Variants in SRGAP1 observed in about 807,000 individuals in gnomAD.
SRGAP1 encodes the protein SLIT-ROBO Rho GTPase-activating protein 1.
SRGAP1 carries 43 observed loss-of-function variants against 121.9 expected under a neutral mutation model. The ratio of observed to expected loss-of-function variants is 0.35; its 90% CI spans 0.28 to 0.46. The LOEUF is 0.46. Among genes scored for constraint, SRGAP1 ranks in the 20% least tolerant of loss-of-function variants. SRGAP1 has a pLI of 1.00. For missense variants in SRGAP1, 1,102 were observed against 1,350.9 expected (o/e 0.82, Z 2.89); for synonymous variants, 447 against 485.4 (o/e 0.92, Z 1.04).
chr12:63,937,356 CTA>C (rs2136345941), intron 1 of SRGAP1, among the ~76,000 whole-genome samples: 1 of 152,210 alleles, frequency 6.6e-6, no homozygotes, highest in African/African-American at 2.4e-5. Context: ...AGTTGTATAT[CTA>C]TATGTGTACC....
intron 1 of SRGAP1, among the ~76,000 whole-genome samples, chr12:63,860,591 C>T (rs1319609304): frequency 2.0e-5 from 3 of 152,168 alleles, no homozygotes; most frequent in Non-Finnish European, 2.9e-5. Context: ...TTGTTTACAG[C>T]ATCCTTTTAT....
At chr12:64,116,535 A>G (rs1021724577) in intron 18 of SRGAP1, among the ~76,000 whole-genome samples, 5 of 151,946 alleles carry the variant, frequency 3.3e-5, no homozygotes, top group African/African-American at 1.2e-4. Context: ...AGTTTTTTCT[A>G]CTCAGTATTA....
intron 1 of SRGAP1, among the ~76,000 whole-genome samples, chr12:63,859,084 CTT>C (rs1170043596): frequency 6.6e-6 from 1 of 152,096 alleles, no homozygotes; most frequent in Non-Finnish European, 1.5e-5. Flanking sequence ...ATAGTATTCT[CTT>C]ATTTTAAAAA....
chr12:63,897,211 T>C (rs1397969526), intron 1 of SRGAP1, among the ~76,000 whole-genome samples: 1 of 152,256 alleles, frequency 6.6e-6, no homozygotes, highest in Non-Finnish European at 1.5e-5. Flanking sequence ...AAAGATCTTA[T>C]CATCTGACAC....
intron 1 of SRGAP1, among the ~76,000 whole-genome samples, chr12:63,936,320 A>G (rs991316627): frequency 6.6e-6 from 1 of 152,188 alleles, no homozygotes; most frequent in African/African-American, 2.4e-5. Context: ...ATCAGAGACA[A>G]GTTGCCTCCC....
intron 6 of SRGAP1, among the ~76,000 whole-genome samples, chr12:64,059,124 C>T (rs1026046634): frequency 6.6e-6 from 1 of 152,108 alleles, no homozygotes; most frequent in African/African-American, 2.4e-5. Context: ...ACGCTCCTCC[C>T]AGCCTAGGAG....
At chr12:64,082,410 A>AT (rs1430095600) in intron 10 of SRGAP1, among the ~76,000 whole-genome samples, 5 of 151,572 alleles carry the variant, frequency 3.3e-5, no homozygotes, top group Non-Finnish European at 7.4e-5. Flanking sequence ...GCTGAACTGC[A>AT]TAAATCTGTA....
intron 1 of SRGAP1, among the ~76,000 whole-genome samples, chr12:63,965,416 T>A (rs1347228879): frequency 1.3e-5 from 2 of 152,160 alleles, no homozygotes; most frequent in Non-Finnish European, 2.9e-5. Context: ...AAATCAAGCA[T>A]ATTTTGGTTA....
intron 3 of SRGAP1, among the ~76,000 whole-genome samples, chr12:64,011,842 G>A (rs2034260987): frequency 6.6e-6 from 1 of 152,132 alleles, no homozygotes; most frequent in African/African-American, 2.4e-5. Context: ...TGGGCCAAGT[G>A]CAGTGGCTCA....
chr12:63,920,671 G>T (rs1439706811), intron 1 of SRGAP1, among the ~76,000 whole-genome samples: 1 of 152,178 alleles, frequency 6.6e-6, no homozygotes, highest in African/African-American at 2.4e-5. Flanking sequence ...GATAGTTCTG[G>T]CTTCTGTCAG....
chr12:63,909,452 C>A (rs1592937278), intron 1 of SRGAP1, among the ~76,000 whole-genome samples: 1 of 152,338 alleles, frequency 6.6e-6, no homozygotes, highest in East Asian at 1.9e-4. Context: ...TGCATTCTGG[C>A]ATTTCTTTTC....
chr12:64,133,035 T>C (rs1187515168), intron 21 of SRGAP1, among the ~76,000 whole-genome samples: 2 of 152,200 alleles, frequency 1.3e-5, no homozygotes, highest in African/African-American at 4.8e-5. Context: ...GAGTCACCAC[T>C]TGGTTAAGCT....
intron 3 of SRGAP1, among the ~76,000 whole-genome samples, chr12:64,014,939 C>T (rs1490746402): frequency 1.3e-5 from 2 of 151,910 alleles, no homozygotes; most frequent in African/African-American, 4.8e-5. Context: ...GCCTCAGCTT[C>T]CTGAGTAGCT....
intron 4 of SRGAP1, among the ~76,000 whole-genome samples, chr12:64,028,705 T>C (rs1387221181): frequency 3.9e-5 from 6 of 152,222 alleles, no homozygotes; most frequent in African/African-American, 1.4e-4. Flanking sequence ...TCACGCCTCT[T>C]TTGTAAGTGT....
chr12:63,994,229 A>G (rs118096085), intron 3 of SRGAP1, among the ~76,000 whole-genome samples: 2,714 of 152,286 alleles, frequency 0.018, 38 homozygotes, highest in Non-Finnish European at 0.029. Context: ...TATCTCTATT[A>G]TAAGCACTTA....
intron 1 of SRGAP1, among the ~76,000 whole-genome samples, chr12:63,976,340 C>T (rs945623546): frequency 1.3e-5 from 2 of 152,118 alleles, no homozygotes; most frequent in South Asian, 4.1e-4. Context: ...CTCCTTCTCT[C>T]CTACTTCCTT....
intron 10 of SRGAP1, among the ~76,000 whole-genome samples, chr12:64,084,091 G>T (rs923355876): frequency 1.3e-5 from 2 of 152,196 alleles, no homozygotes; most frequent in Non-Finnish European, 2.9e-5. Context: ...CAGGATGCCT[G>T]TGTCTCATTT....
intron 8 of SRGAP1, among the ~76,000 whole-genome samples, chr12:64,073,944 A>G (rs1242073773): frequency 6.6e-6 from 1 of 152,142 alleles, no homozygotes. Context: ...TAATTTAGGT[A>G]CATATCAGAG....
In SRGAP1 at chr12:64,001,264, G is replaced by C. The variant is rs540299639; in HGVS notation, c.426+11192G>C. The stretch of plus-strand genomic sequence containing the variant: ...CCAAAATTCTAGATACAACCAAGTT[G>C]TTATTCATTTTAAAAAGCAACTGAA... On this transcript the variant is annotated intron_variant, in intron 3 of 21. Coordinates refer to ENST00000355086, the MANE Select transcript of SRGAP1 (RefSeq NM_020762.4). Among the ~76,000 whole-genome samples the C allele has an allele frequency of 2.0e-5, 3 of 152,330 alleles. No homozygotes were observed. The East Asian group carries it at 5.8e-4, about 29-fold the overall frequency.
Sources: gnomAD v4.1 joint callset for allele counts (sites outside exome capture counted in the v4.1 genomes callset) on GRCh38, gnomAD v4.1.1 for gene constraint, MANE v1.5 for transcripts, NCBI Gene and HGNC (gene_info 2026-07-23, HGNC 2026-07-21) for gene names.